Variants in DBT observed in about 807,000 individuals in gnomAD.
DBT encodes dihydrolipoamide branched chain transacylase E2, also known as lipoamide acyltransferase component of branched-chain alpha-keto acid dehydrogenase complex, mitochondrial.
A neutral mutation model predicts 51.3 loss-of-function variants in DBT; 40 were observed. That is an observed-to-expected ratio of 0.78 (90% CI 0.61 to 1.02). The LOEUF (loss-of-function observed/expected upper bound fraction) is 1.02, where lower values mean the gene tolerates loss of function less well. Ranked by LOEUF, DBT falls within the 50% of genes least tolerant of loss-of-function variation. DBT has a pLI of 0.00. For synonymous variants in DBT, 181 were observed against 190.4 expected, an observed-to-expected ratio of 0.95 and a Z score of 0.41; for missense variants, 510 against 580.2, an observed-to-expected ratio of 0.88 and a Z score of 1.24.
chr1:100,249,809 GACTGCAGCCATCTTACCCCGGAAATGACA>G, exon 1 of DBT: 2 of 1,614,136 alleles, frequency 1.2e-6, no homozygotes, highest in Non-Finnish European at 1.7e-6. Flanking sequence ...TCAGCATACG[GACTGCAGCCATCTTACCCCGGAAATGACA>G]ACAGTGCCGC....
intron 3 of DBT, among the ~76,000 whole-genome samples, chr1:100,231,915 G>A (rs929384229): frequency 6.6e-6 from 1 of 152,102 alleles, no homozygotes; most frequent in African/African-American, 2.4e-5. Flanking sequence ...CAGCAGCCTT[G>A]CAGCCACTGT....
intron 3 of DBT, among the ~76,000 whole-genome samples, chr1:100,233,925 A>G (rs907576242): frequency 2.0e-5 from 3 of 152,286 alleles, no homozygotes; most frequent in Admixed American, 2.0e-4. Flanking sequence ...TGCTTGGACC[A>G]GTATAAGCCT....
At chr1:100,201,268 A>G (rs1375861227) in intron 10 of DBT, among the ~76,000 whole-genome samples, 52 of 152,032 alleles carry the variant, frequency 3.4e-4, no homozygotes, top group Admixed American at 3.4e-3. Context: ...CACAAGTATC[A>G]ATAGCTGAAT....
intron 4 of DBT, among the ~76,000 whole-genome samples, chr1:100,224,153 A>T (rs1420663252): frequency 1.3e-5 from 2 of 152,168 alleles, no homozygotes; most frequent in African/African-American, 4.8e-5. Flanking sequence ...TCTAGTCTTG[A>T]TCTCTTCTAC....
rs113597910 is a variant in DBT at position 100,219,140 on chromosome 1, C to T, written c.434-393G>A. On this transcript the variant is annotated intron_variant, in intron 4 of 10. Coordinates refer to ENST00000370132, the MANE Select transcript of DBT (RefSeq NM_001918.5). ...GTCAAGGCAGAAGGATCACCTGAGC[C>T]CAGGCATTCAAGACTAGCTGAGGCA... is the stretch of plus-strand genomic sequence containing the variant. Among the ~76,000 whole-genome samples, 1,380 of 152,122 alleles carry T rather than the reference C, an allele frequency of 9.1e-3. 23 individuals are homozygous for T. The highest frequency in any genetic ancestry group is 0.032 in the African/African-American group (1,335 of 41,506).
At chr1:100,227,738 G>A (rs6682782) in intron 4 of DBT, among the ~76,000 whole-genome samples, 120,990 of 152,196 alleles carry the variant, frequency 0.79, 49,459 homozygotes, top group East Asian at 0.95. Context: ...CCTGATGTGA[G>A]GCAACATGAA....
At position 100,230,986 on chromosome 1, in the gene DBT, C is replaced by T. The variant is rs142023412; in HGVS notation, c.252-72G>A. On this transcript the variant is annotated intron_variant, in intron 3 of 10. Coordinates refer to ENST00000370132, the MANE Select transcript of DBT (RefSeq NM_001918.5). ...ACAGATCATATTAAGGATGTAAATG[C>T]CATGCTGAGTTAGATCAGTATTCAT... is the stretch of plus-strand genomic sequence containing the variant. The T allele has an allele frequency of 3.1e-4, 288 of 932,546 alleles. No individual in the cohort carries two copies. In the African/African-American group the frequency reaches 4.0e-3, roughly 13 times the overall value. The allele number at this position is 932,546 out of a possible 1,614,324, so 57.8% of individuals were successfully genotyped here. A position where few individuals can be genotyped will look rare whatever the true frequency, so the allele number is the denominator to read the frequency against.
At chr1:100,198,355 C>T (rs2784176) in intron 10 of DBT, among the ~76,000 whole-genome samples, 122,094 of 152,082 alleles carry the variant, frequency 0.8, 50,179 homozygotes, top group East Asian at 0.95. Flanking sequence ...GGAGAGATTA[C>T]TCAGTAAGTG....
At chr1:100,215,846 A>G in intron 6 of DBT, 137 bp downstream of exon 6, 1 of 681,880 alleles carries the variant, frequency 1.5e-6, no homozygotes, top group Middle Eastern at 3.9e-4. Context: ...AGAAAAGAAA[A>G]ATTATATGCT....
intron 1 of DBT, among the ~76,000 whole-genome samples, chr1:100,247,062 A>C (rs997879268): frequency 6.6e-6 from 1 of 152,168 alleles, no homozygotes; most frequent in African/African-American, 2.4e-5. Flanking sequence ...AGTGTAGTTT[A>C]GTGTGGAATA....
intron 4 of DBT, among the ~76,000 whole-genome samples, 165 bp from the exon 5 acceptor site, chr1:100,218,912 T>C (rs981088040): frequency 1.5e-5 from 2 of 131,476 alleles, no homozygotes; most frequent in East Asian, 2.3e-4. Context: ...AACACAACTA[T>C]CCTAATGGTA....
chr1:100,210,509 A>C, intron 8 of DBT, 185 bp downstream of exon 8: 5 of 791,548 alleles, frequency 6.3e-6, no homozygotes, highest in Non-Finnish European at 9.6e-6. Flanking sequence ...AAGAATCTCT[A>C]AACAGTATTA....
intron 4 of DBT, among the ~76,000 whole-genome samples, chr1:100,224,908 A>G (rs2100815236): frequency 6.6e-6 from 1 of 150,382 alleles, no homozygotes; most frequent in South Asian, 2.1e-4. Flanking sequence ...AATCCCAGCT[A>G]CTCAGGAGGC....
rs11166414 is a variant in DBT, at chr1:100,195,270, G to A, written c.*985C>T. On this transcript the variant is annotated 3_prime_UTR_variant, in exon 11 of 11. Coordinates refer to ENST00000370132, the MANE Select transcript of DBT (RefSeq NM_001918.5). ...CATGAGGGAAGTTTGCAAAGGTGAA[G>A]GTCTTCCCCAAGAAAATACCAAAGC... 0.044 allele frequency: 6,661 copies of A among 152,574 alleles called. 164 individuals are homozygous for A. The highest frequency in any genetic ancestry group is 0.058 in the African/African-American group (2,401 of 41,520). 9.5% of individuals were successfully genotyped at this position (152,574 alleles called of 1,614,324 possible). A position where few individuals can be genotyped will look rare whatever the true frequency, so the allele number is the denominator to read the frequency against.
At chr1:100,248,862 G>C (rs1046857538) in intron 1 of DBT, among the ~76,000 whole-genome samples, 2 of 152,204 alleles carry the variant, frequency 1.3e-5, no homozygotes, top group African/African-American at 4.8e-5. Flanking sequence ...ACTCCTGTGT[G>C]TTCCTGTAGT....
intron 7 of DBT, chr1:100,211,049 T>C: frequency 2.6e-6 from 2 of 775,176 alleles, no homozygotes; most frequent in South Asian, 1.4e-5. Flanking sequence ...CCAGCCAAAG[T>C]TCCAAAGAAA....
chr1:100,200,520 G>A (rs1661375014), intron 10 of DBT, among the ~76,000 whole-genome samples: 1 of 152,232 alleles, frequency 6.6e-6, no homozygotes, highest in South Asian at 2.1e-4. Flanking sequence ...ACTCTGAAAA[G>A]AGCAGTGGAT....
In DBT at chr1:100,196,054, C is replaced by T; in HGVS notation, c.*201G>A. ...TCACACTCTGACCTATAAAATGTGACAGCCCCAGGAGAACCATTACACCAT... is the reference window on the plus strand; with the variant it reads ...TCACACTCTGACCTATAAAATGTGATAGCCCCAGGAGAACCATTACACCAT... On this transcript the variant is annotated 3_prime_UTR_variant, in exon 11 of 11. Coordinates refer to ENST00000370132, the MANE Select transcript of DBT (RefSeq NM_001918.5). 1.6e-6 allele frequency: 1 copy of T among 611,108 alleles called. No homozygotes were observed. The highest frequency in any genetic ancestry group is 2.9e-6 in the Non-Finnish European group (1 of 346,796). The allele number at this position is 611,108 out of a possible 1,614,324, so 37.9% of individuals were successfully genotyped here.
chr1:100,230,871 A>G lies in DBT; in HGVS notation c.295T>C (p.Cys99Arg), dbSNP rs1348135597. ...GAAGCTTTATCACTTTGAACTTCAC[A>G]GATGCTATCAAACTGAGACACTGTA... Reference protein sequence around the residue: ...GDTVSQFDSICEVQSDKASVT... With the variant: ...GDTVSQFDSIREVQSDKASVT... Residue 99 changes from cysteine (C) to arginine (R), a missense_variant, in exon 4 of 11, where the codon TGT (cysteine) becomes CGT (arginine). Coordinates refer to ENST00000370132, the MANE Select transcript of DBT (RefSeq NM_001918.5). The G allele has an allele frequency of 1.9e-6, 3 of 1,608,248 alleles. No individual in the cohort carries two copies. The Admixed American group carries it at 5.0e-5, about 27-fold the overall frequency.
Sources: gnomAD v4.1 joint callset for allele counts (sites outside exome capture counted in the v4.1 genomes callset) on GRCh38, gnomAD v4.1.1 for gene constraint, MANE v1.5 for transcripts, NCBI Gene and HGNC (gene_info 2026-07-23, HGNC 2026-07-21) for gene names.